The following CNTNAP2 variants were observed in gnomAD, a reference collection of about 807,000 sequenced individuals.
The protein encoded by CNTNAP2 is contactin associated protein 2, also known as contactin-associated protein-like 2.
Under a neutral mutation model 155.2 loss-of-function variants are expected in CNTNAP2, and 98 were observed. The observed-to-expected ratio is 0.63, with a 90% CI of 0.54 to 0.75. CNTNAP2 has a LOEUF of 0.75. CNTNAP2 is among the 30% of genes least tolerant of loss of function. The probability of loss-of-function intolerance (pLI) is 0.00; values close to 1 mark genes in which losing one functional copy is unlikely to be tolerated. For synonymous variants in CNTNAP2, 651 were observed against 631.2 expected (o/e 1.03, Z -0.47); for missense variants, 1,727 against 1,688.1 (o/e 1.02, Z -0.40).
intron 13 of CNTNAP2, among the ~76,000 whole-genome samples, chr7:147,829,184 C>G (rs778929520): frequency 3.4e-4 from 52 of 152,100 alleles, no homozygotes; most frequent in Non-Finnish European, 6.6e-4. Context: ...CCTCTACCAA[C>G]TGGATATGAA....
At chr7:147,575,691 G>A (rs891560774) in intron 12 of CNTNAP2, among the ~76,000 whole-genome samples, 1 of 151,756 alleles carries the variant, frequency 6.6e-6, no homozygotes, top group Non-Finnish European at 1.5e-5. Context: ...TCAAATACAT[G>A]TTTCAAAACA....
intron 1 of CNTNAP2, among the ~76,000 whole-genome samples, chr7:146,544,925 G>A (rs1480214129): frequency 6.6e-6 from 1 of 151,908 alleles, no homozygotes; most frequent in African/African-American, 2.4e-5. Flanking sequence ...CTGCCATCTG[G>A]ACTAGAGGAA....
At position 146,704,817 on chromosome 7, in the gene CNTNAP2, T is replaced by A. The variant is rs182911637; in HGVS notation, c.98-69454T>A. On this transcript the variant is annotated intron_variant, in intron 1 of 23. Coordinates refer to ENST00000361727, the MANE Select transcript of CNTNAP2 (RefSeq NM_014141.6). ...AAAAATAGTCTCAAACCTCATCTAG[T>A]CATCTTCTTCTATTGACTATATCTG... Among the ~76,000 whole-genome samples, 263 of 152,304 alleles carry A rather than the reference T, an allele frequency of 1.7e-3. 1 individual carries two copies. The highest frequency in any genetic ancestry group is 6.0e-3 in the African/African-American group (250 of 41,574).
intron 1 of CNTNAP2, among the ~76,000 whole-genome samples, chr7:146,385,575 C>A (rs1437312621): frequency 6.6e-6 from 1 of 152,132 alleles, no homozygotes; most frequent in African/African-American, 2.4e-5. Context: ...AGTAATCTCT[C>A]TTGTACTTGA....
At chr7:148,365,757 TGTGTATACG>T (rs1798733238) in intron 21 of CNTNAP2, among the ~76,000 whole-genome samples, 2 of 76,272 alleles carry the variant, frequency 2.6e-5, no homozygotes, top group Non-Finnish European at 3.3e-5. Context: ...TATACATGTA[TGTGTATACG>T]TGTATACATG....
At chr7:146,149,722 T>G (rs1798008883) in intron 1 of CNTNAP2, among the ~76,000 whole-genome samples, 1 of 151,908 alleles carries the variant, frequency 6.6e-6, no homozygotes, top group South Asian at 2.1e-4. Context: ...ATCTTGATAC[T>G]TCATACCATA....
chr7:148,099,905 C>T (rs1045432574), intron 15 of CNTNAP2, among the ~76,000 whole-genome samples: 3 of 125,468 alleles, frequency 2.4e-5, no homozygotes, highest in Non-Finnish European at 4.8e-5. Flanking sequence ...CGGAGTCTCA[C>T]TCTGTCACCC....
chr7:146,325,753 T>C (rs1209705664), intron 1 of CNTNAP2, among the ~76,000 whole-genome samples: 2 of 152,110 alleles, frequency 1.3e-5, no homozygotes, highest in Admixed American at 1.3e-4. Context: ...CTACTTTCCC[T>C]GCTTAAGACA....
chr7:148,260,212 T>C (rs1796533957), intron 20 of CNTNAP2, among the ~76,000 whole-genome samples: 1 of 152,176 alleles, frequency 6.6e-6, no homozygotes, highest in Admixed American at 6.5e-5. Flanking sequence ...AATGTAAATA[T>C]TTAAAATGTA....
At chr7:147,671,306 G>A (rs1795783333) in intron 13 of CNTNAP2, among the ~76,000 whole-genome samples, 1 of 152,338 alleles carries the variant, frequency 6.6e-6, no homozygotes, top group African/African-American at 2.4e-5. Flanking sequence ...TATGGAGCTA[G>A]TGCTTTGTAA....
intron 1 of CNTNAP2, among the ~76,000 whole-genome samples, chr7:146,120,258 A>G (rs574902284): frequency 6.6e-6 from 1 of 152,258 alleles, no homozygotes; most frequent in East Asian, 1.9e-4. Context: ...ACTTGTCTTA[A>G]TGAAAACAAT....
intron 13 of CNTNAP2, among the ~76,000 whole-genome samples, chr7:147,884,791 G>A (rs1799578303): frequency 6.6e-6 from 1 of 152,132 alleles, no homozygotes; most frequent in South Asian, 2.1e-4. Flanking sequence ...TTGAATTTGT[G>A]CCACTTTTAT....
intron 12 of CNTNAP2, among the ~76,000 whole-genome samples, chr7:147,614,986 C>T (rs1462781621): frequency 6.6e-6 from 1 of 150,668 alleles, no homozygotes; most frequent in Non-Finnish European, 1.5e-5. Flanking sequence ...CATGTGATGG[C>T]TTATAACTGT....
At chr7:147,575,589 T>A (rs985829) in intron 12 of CNTNAP2, among the ~76,000 whole-genome samples, 104,165 of 151,116 alleles carry the variant, frequency 0.69, 36,486 homozygotes, top group African/African-American at 0.81. Context: ...TATAAGTTAA[T>A]TGTCAGTGTG....
chr7:146,464,816 T>C (rs576391042), intron 1 of CNTNAP2, among the ~76,000 whole-genome samples: 12 of 152,286 alleles, frequency 7.9e-5, no homozygotes, highest in African/African-American at 2.6e-4. Flanking sequence ...TGTTTCCAGA[T>C]TGGCTGGGCA....
At chr7:146,812,445 A>ATATATATATATATATATAAAAT (rs1386547927) in intron 2 of CNTNAP2, among the ~76,000 whole-genome samples, 7 of 144,554 alleles carry the variant, frequency 4.8e-5, no homozygotes, top group African/African-American at 1.8e-4. Flanking sequence ...ATATATAAAA[A>ATATATATATATATATATAAAAT]ATATATATAT....
At chr7:146,660,925 G>A (rs879678099) in intron 1 of CNTNAP2, among the ~76,000 whole-genome samples, 36 of 152,172 alleles carry the variant, frequency 2.4e-4, no homozygotes, top group Non-Finnish European at 4.4e-5. Flanking sequence ...AGTGAGGCGG[G>A]GAATGTGGAA....
chr7:147,797,461 C>T (rs1014616665), intron 13 of CNTNAP2, among the ~76,000 whole-genome samples: 3 of 152,214 alleles, frequency 2.0e-5, no homozygotes, highest in East Asian at 1.9e-4. Context: ...TCAAACCCTA[C>T]GTTTGAGGGT....
intron 14 of CNTNAP2, among the ~76,000 whole-genome samples, chr7:147,932,303 T>C (rs544610042): frequency 3.2e-4 from 48 of 152,316 alleles, no homozygotes; most frequent in African/African-American, 1.1e-3. Flanking sequence ...TCACACTTCT[T>C]GATTTCAAAA....
Sources: gnomAD v4.1 joint callset for allele counts (sites outside exome capture counted in the v4.1 genomes callset) on GRCh38, gnomAD v4.1.1 for gene constraint, MANE v1.5 for transcripts, NCBI Gene and HGNC (gene_info 2026-07-23, HGNC 2026-07-21) for gene names.